Variants in COG6 observed in about 807,000 individuals in gnomAD.
The protein encoded by COG6 is component of oligomeric golgi complex 6, also known as conserved oligomeric Golgi complex subunit 6.
A neutral mutation model predicts 88.8 loss-of-function variants in COG6; 74 were observed. The observed-to-expected ratio is 0.83, with a 90% CI of 0.69 to 1.01. The LOEUF (loss-of-function observed/expected upper bound fraction) is 1.01, where lower values mean the gene tolerates loss of function less well. Among genes scored for constraint, COG6 ranks in the 50% least tolerant of loss-of-function variants. COG6 has a pLI of 0.00. For synonymous variants in COG6, 286 were observed against 278.7 expected (o/e 1.03, Z -0.26); for missense variants, 800 against 797.9 (o/e 1.00, Z -0.03).
intron 18 of COG6, among the ~76,000 whole-genome samples, chr13:39,738,444 A>G (rs1047846544): frequency 1.3e-5 from 2 of 152,232 alleles, no homozygotes; most frequent in Non-Finnish European, 2.9e-5. Flanking sequence ...AAGAACAAAT[A>G]GAATTTTTAA....
chr13:39,781,749 C>T (rs1036545383), intron 18 of COG6, among the ~76,000 whole-genome samples: 1 of 152,120 alleles, frequency 6.6e-6, no homozygotes, highest in African/African-American at 2.4e-5. Flanking sequence ...CCAAAAGCAC[C>T]TGGCAGGGTC....
intron 18 of COG6, among the ~76,000 whole-genome samples, chr13:39,774,773 C>T (rs1440094294): frequency 6.6e-6 from 1 of 151,936 alleles, no homozygotes; most frequent in East Asian, 1.9e-4. Flanking sequence ...CAGGGTTTCA[C>T]CATATTGGCC....
At chr13:39,747,536 C>T (rs1246343020) in intron 18 of COG6, among the ~76,000 whole-genome samples, 2 of 151,996 alleles carry the variant, frequency 1.3e-5, no homozygotes, top group Admixed American at 1.3e-4. Flanking sequence ...TTTTTTTAAC[C>T]CCTTCCATAT....
Position 39,752,565 on chromosome 13 carries a change from T to G in COG6, c.*1472T>G. The G allele has an allele frequency of 8.0e-7, 1 of 1,255,026 alleles. No individual in the cohort carries two copies. Among genetic ancestry groups the G allele is most frequent in the Non-Finnish European group, 1.0e-6 (1 of 964,356 alleles). The allele number at this position is 1,255,026 out of a possible 1,614,324, so 77.7% of individuals were successfully genotyped here. ...ATACCTTGCTATGAGTGAATTCCTT[T>G]GTTTTATAGGGAAAATTTATTGTGC... On this transcript the variant is annotated 3_prime_UTR_variant, in exon 19 of 19. Transcript: ENST00000455146.
chr13:39,753,279 G>A (rs1420550092), downstream of COG6, among the ~76,000 whole-genome samples: 1 of 152,160 alleles, frequency 6.6e-6, no homozygotes, highest in Non-Finnish European at 1.5e-5. Context: ...ACGTTACAGT[G>A]AGAAGACAGC....
intron 18 of COG6, among the ~76,000 whole-genome samples, chr13:39,735,232 T>C (rs1879672258): frequency 6.6e-6 from 1 of 152,120 alleles, no homozygotes; most frequent in South Asian, 2.1e-4. Flanking sequence ...TGGTGGTATA[T>C]TTTAAATTTC....
At chr13:39,767,768 A>G (rs1593481941) in intron 18 of COG6, among the ~76,000 whole-genome samples, 2 of 152,346 alleles carry the variant, frequency 1.3e-5, no homozygotes, top group Middle Eastern at 3.4e-3. Flanking sequence ...CCTCAACTCC[A>G]GCTCTGAATC....
intron 8 of COG6, among the ~76,000 whole-genome samples, chr13:39,683,181 C>G (rs1876419094): frequency 1.3e-5 from 2 of 152,178 alleles, no homozygotes; most frequent in Admixed American, 1.3e-4. Context: ...CAGTAAAGCA[C>G]TGCCCTCAAA....
At chr13:39,771,274 A>G (rs536488634) in intron 18 of COG6, among the ~76,000 whole-genome samples, 235 of 152,352 alleles carry the variant, frequency 1.5e-3, no homozygotes, top group African/African-American at 5.0e-3. Flanking sequence ...TCCCGCAGGT[A>G]CTGAAAGGCA....
At chr13:39,785,136 G>A (rs538512054) in intron 18 of COG6, among the ~76,000 whole-genome samples, 1 of 152,310 alleles carries the variant, frequency 6.6e-6, no homozygotes, top group South Asian at 2.1e-4. Flanking sequence ...TTGGAAGAAG[G>A]ATACTTGCTT....
intron 4 of COG6, among the ~76,000 whole-genome samples, chr13:39,671,150 A>T (rs9548875): frequency 0.41 from 62,770 of 151,712 alleles, 13,299 homozygotes; most frequent in Admixed American, 0.57. Flanking sequence ...CACATATTGG[A>T]CTGGAAATAA....
intron 15 of COG6, among the ~76,000 whole-genome samples, chr13:39,721,565 A>G (rs773359427): frequency 6.6e-5 from 10 of 152,092 alleles, no homozygotes; most frequent in Admixed American, 3.3e-4. Flanking sequence ...TTATTGGCCT[A>G]TTCTTGCATT....
chr13:39,695,444 A>G (rs574987445), intron 12 of COG6, among the ~76,000 whole-genome samples: 10 of 151,980 alleles, frequency 6.6e-5, no homozygotes, highest in African/African-American at 1.7e-4. Context: ...TGTCTTTCCA[A>G]GCCATATTTT....
intron 4 of COG6, among the ~76,000 whole-genome samples, chr13:39,674,764 A>T (rs554151341): frequency 6.6e-6 from 1 of 152,266 alleles, no homozygotes; most frequent in South Asian, 2.1e-4. Flanking sequence ...GACATCAGTC[A>T]TCCCTTTTTC....
chr13:39,780,096 TTGAC>T (rs1203138015), intron 18 of COG6, among the ~76,000 whole-genome samples: 2 of 152,296 alleles, frequency 1.3e-5, no homozygotes, highest in East Asian at 3.9e-4. Context: ...TGTCAGGAAA[TTGAC>T]TGAGAAAAGA....
intron 13 of COG6, among the ~76,000 whole-genome samples, chr13:39,713,074 ATAATAT>A (rs1878326409): frequency 6.6e-6 from 1 of 152,252 alleles, no homozygotes; most frequent in Admixed American, 6.5e-5. Context: ...AGTAGCAGTG[ATAATAT>A]TAACACCTCT....
downstream of COG6, among the ~76,000 whole-genome samples, chr13:39,754,707 A>G (rs1880776834): frequency 6.6e-6 from 1 of 152,140 alleles, no homozygotes; most frequent in African/African-American, 2.4e-5. Flanking sequence ...TTAAGTACCT[A>G]CTAGGTAGTA....
chr13:39,773,988 T>A (rs1881392737), intron 18 of COG6, among the ~76,000 whole-genome samples: 1 of 151,908 alleles, frequency 6.6e-6, no homozygotes, highest in Admixed American at 6.6e-5. Flanking sequence ...TAGGAGTATG[T>A]GGTGTGGGCT....
intron 1 of COG6, 64 bp from the exon 2 acceptor site, chr13:39,659,300 T>A (rs1278123780): frequency 2.8e-6 from 4 of 1,437,936 alleles, no homozygotes; most frequent in Non-Finnish European, 3.9e-6. Flanking sequence ...TTACATTTTG[T>A]CTTGAGATTT....
Sources: gnomAD v4.1 joint callset for allele counts (sites outside exome capture counted in the v4.1 genomes callset) on GRCh38, gnomAD v4.1.1 for gene constraint, MANE v1.5 for transcripts, NCBI Gene and HGNC (gene_info 2026-07-23, HGNC 2026-07-21) for gene names.